C14orf39: variants seen among roughly 807,000 people sequenced by gnomAD.
C14orf39 encodes the protein chromosome 14 open reading frame 39, also known as protein SIX6OS1.
C14orf39 carries 66 observed loss-of-function variants against 85.6 expected under a neutral mutation model. The observed-to-expected ratio is 0.77, with a 90% confidence interval of 0.63 to 0.95. The LOEUF is 0.95. Ranked by LOEUF, C14orf39 falls within the 40% of genes least tolerant of loss-of-function variation. The pLI, the probability that C14orf39 is intolerant of heterozygous loss-of-function variation, is 0.00. For synonymous variants in C14orf39, 242 were observed against 214.0 expected (o/e 1.13, Z -1.14); for missense variants, 735 against 663.9 (o/e 1.11, Z -1.18).
chr14:60,464,706 C>CT (rs1445797274), intron 11 of C14orf39, among the ~76,000 whole-genome samples: 1 of 151,960 alleles, frequency 6.6e-6, no homozygotes, highest in Non-Finnish European at 1.5e-5. Context: ...ATATTTTCTT[C>CT]TTTTTTTCAG....
At chr14:60,468,374 G>A (rs1891897699) in intron 9 of C14orf39, 71 bp downstream of exon 9, 1 of 860,412 alleles carries the variant, frequency 1.2e-6, no homozygotes, top group Non-Finnish European at 1.7e-6. Context: ...GTTTGGGATG[G>A]AATATAGAAT....
intron 11 of C14orf39, among the ~76,000 whole-genome samples, chr14:60,463,089 T>C (rs1436385868): frequency 6.6e-6 from 1 of 152,136 alleles, no homozygotes; most frequent in African/African-American, 2.4e-5. Flanking sequence ...CTTCCACTAT[T>C]CTTGACCTCA....
intron 5 of C14orf39, among the ~76,000 whole-genome samples, chr14:60,477,144 G>A (rs1243975240): frequency 6.6e-6 from 1 of 152,146 alleles, no homozygotes; most frequent in East Asian, 1.9e-4. Context: ...ATGTATAAAT[G>A]ACAAGACAAG....
intron 5 of C14orf39, among the ~76,000 whole-genome samples, chr14:60,473,009 A>G (rs1170569400): frequency 6.6e-6 from 1 of 152,196 alleles, no homozygotes; most frequent in African/African-American, 2.4e-5. Flanking sequence ...GAACTAGTTT[A>G]CAGTCCCACC....
In C14orf39 at chr14:60,486,049, C is replaced by G. The variant is rs1412739031; in HGVS notation, c.-113G>C. 1 of 152,688 alleles carries G rather than the reference C, an allele frequency of 6.5e-6. No homozygotes were observed. Among genetic ancestry groups the G allele is most frequent in the East Asian group, 1.9e-4 (1 of 5,196 alleles). The allele number at this position is 152,688 out of a possible 1,614,324, so 9.5% of individuals were successfully genotyped here. On this transcript the variant is annotated 5_prime_UTR_variant, in exon 1 of 18. Transcript: ENST00000321731. ...TCCTAACTACAAACGGTCCCCGGAGCCCTGGGCTGGACTCGCTCAGCCCCG... is the reference window on the plus strand; with the variant it reads ...TCCTAACTACAAACGGTCCCCGGAGGCCTGGGCTGGACTCGCTCAGCCCCG...
chr14:60,485,074 T>C lies in C14orf39; in HGVS notation c.5A>G (p.Asn2Ser), dbSNP rs909475134. The change falls in exon 2 of 18, where the codon AAT becomes AGT. Residue 2 changes from asparagine to serine, a missense_variant. Transcript: ENST00000321731. M[N>S]DSLFVSLDRL... ...GTCCAAACTGACAAACAGGCTGTCA[T>C]TCATCTTGGATACTATGTTAAATGA... 6.2e-7 allele frequency: 1 copy of C among 1,608,880 alleles called. No homozygotes were observed. The highest frequency in any genetic ancestry group is 1.3e-5 in the African/African-American group (1 of 74,412).
chr14:60,448,208 T>A (rs1006908232), intron 16 of C14orf39, among the ~76,000 whole-genome samples: 7 of 151,894 alleles, frequency 4.6e-5, no homozygotes, highest in African/African-American at 1.7e-4. Flanking sequence ...CTAATTAAAA[T>A]AAAGAGCTTG....
At chr14:60,473,684 G>T (rs970456735) in intron 5 of C14orf39, among the ~76,000 whole-genome samples, 6 of 152,188 alleles carry the variant, frequency 3.9e-5, no homozygotes, top group African/African-American at 1.4e-4. Flanking sequence ...TCTTGTTTTT[G>T]TCAGGGTTGT....
chr14:60,494,768 C>T (rs1257696408), intron 2 of C14orf39: 1 of 152,288 alleles, frequency 6.6e-6, no homozygotes, highest in Non-Finnish European at 1.5e-5. Context: ...ATGGGCAGAA[C>T]CCACATCTAG....
At chr14:60,505,488 TAG>T (rs1893190966) in intron 1 of C14orf39, among the ~76,000 whole-genome samples, 1 of 152,166 alleles carries the variant, frequency 6.6e-6, no homozygotes, top group South Asian at 2.1e-4. Flanking sequence ...TTTTTAGAAG[TAG>T]AGTTATAAAA....
intron 1 of C14orf39, among the ~76,000 whole-genome samples, chr14:60,510,157 C>G (rs1176130840): frequency 6.6e-6 from 1 of 152,186 alleles, no homozygotes; most frequent in Admixed American, 6.5e-5. Context: ...TCTGCTTCCC[C>G]ACCCGCTGGC....
intron 11 of C14orf39, among the ~76,000 whole-genome samples, chr14:60,462,033 T>C (rs1179608100): frequency 6.6e-6 from 1 of 152,108 alleles, no homozygotes; most frequent in Non-Finnish European, 1.5e-5. Context: ...TTCCTTTTTA[T>C]ATACACATAA....
intron 13 of C14orf39, among the ~76,000 whole-genome samples, chr14:60,459,000 T>C (rs931759176): frequency 1.3e-5 from 2 of 151,750 alleles, no homozygotes; most frequent in African/African-American, 4.8e-5. Context: ...AAAGGTTTCA[T>C]ATTCACCATG....
At chr14:60,496,261 A>T (rs1352539475) in intron 2 of C14orf39, 3 of 398,134 alleles carry the variant, frequency 7.5e-6, no homozygotes, top group South Asian at 5.8e-5. Flanking sequence ...CAGAAACAGG[A>T]TCTGCTCAAG....
At chr14:60,509,504 T>C (rs1302062809) in intron 1 of C14orf39, 1 of 1,604,330 alleles carries the variant, frequency 6.2e-7, no homozygotes, top group Non-Finnish European at 8.5e-7. Context: ...CTTCCTCTGG[T>C]CGCTGCCCGT....
intron 16 of C14orf39, among the ~76,000 whole-genome samples, chr14:60,454,560 T>C (rs1427951870): frequency 6.6e-6 from 1 of 151,966 alleles, no homozygotes; most frequent in South Asian, 2.1e-4. Flanking sequence ...AAATAAGCAC[T>C]TTATCATGAT....
chr14:60,452,377 A>C (rs556690292), intron 16 of C14orf39, among the ~76,000 whole-genome samples: 22 of 152,212 alleles, frequency 1.4e-4, no homozygotes, highest in Admixed American at 1.4e-3. Context: ...CATTATGTTA[A>C]ATGAAATAAG....
chr14:60,497,256 T>C (rs919785778), intron 2 of C14orf39, among the ~76,000 whole-genome samples: 7 of 152,210 alleles, frequency 4.6e-5, no homozygotes, highest in African/African-American at 1.7e-4. Context: ...GCAATGTCTG[T>C]TATAAACTCT....
intron 1 of C14orf39, chr14:60,509,329 C>A (rs1468130936): frequency 7.4e-7 from 1 of 1,356,092 alleles, no homozygotes; most frequent in African/African-American, 1.4e-5. Context: ...CACACTCAGC[C>A]AGGCCCGCGG....
Sources: gnomAD v4.1 joint callset for allele counts (sites outside exome capture counted in the v4.1 genomes callset) on GRCh38, gnomAD v4.1.1 for gene constraint, MANE v1.5 for transcripts, NCBI Gene and HGNC (gene_info 2026-07-23, HGNC 2026-07-21) for gene names.